PXDN: variants seen among roughly 807,000 people sequenced by gnomAD.
PXDN encodes peroxidasin homolog.
Under a neutral mutation model 140.3 loss-of-function variants are expected in PXDN, and 77 were observed. The ratio of observed to expected loss-of-function variants is 0.55; its 90% CI spans 0.46 to 0.66. The LOEUF (loss-of-function observed/expected upper bound fraction) is 0.66. Ranked by LOEUF, PXDN falls within the 30% of genes least tolerant of loss-of-function variation. PXDN has a pLI of 0.00. For missense variants in PXDN, 1,838 were observed against 2,039.5 expected, an observed-to-expected ratio of 0.90 and a Z score of 1.90; for synonymous variants, 911 against 857.4, an observed-to-expected ratio of 1.06 and a Z score of -1.09.
intron 1 of PXDN, among the ~76,000 whole-genome samples, chr2:1,709,799 G>C (rs1305200183): frequency 1.3e-5 from 2 of 152,220 alleles, no homozygotes; most frequent in Admixed American, 1.3e-4. Flanking sequence ...CCCAGAGAGC[G>C]TGTTTCTCTT....
rs1237210381 is a variant in PXDN at position 1,649,641 on chromosome 2, G to C, written c.2139C>G (p.Tyr713Ter). 1 of 1,613,976 alleles carries C rather than the reference G, an allele frequency of 6.2e-7. No homozygotes were observed. ...CCGACAGGTTTGCGATGAGGTTCAGGTACTGTGGAGACACCAGGTCGTTGT... is the reference window on the plus strand; with the variant it reads ...CCGACAGGTTTGCGATGAGGTTCAGCTACTGTGGAGACACCAGGTCGTTGT... ...YHYNDLVSPQ[Y>*]LNLIANLSGC... Residue 713 changes from tyrosine (Y) to a stop codon, truncating the protein, a stop_gained, in exon 17 of 23, where the codon TAC becomes TAG. Coordinates refer to ENST00000252804, the MANE Select transcript of PXDN (RefSeq NM_012293.3). LOFTEE classifies it high-confidence loss of function. The surrounding 1 kb of genome is among the most constrained non-coding windows in gnomAD (Gnocchi z 7.1).
intron 1 of PXDN, among the ~76,000 whole-genome samples, chr2:1,711,647 ACTCCACCAGCACCCACT>A (rs142623593): frequency 0.35 from 40,066 of 115,546 alleles, 7,350 homozygotes; most frequent in African/African-American, 0.46. Context: ...ACCAGCACCC[ACTCCACCAGCACCCACT>A]CTCCACCAGC....
At position 1,666,413 on chromosome 2, in the gene PXDN, G is replaced by A. The variant is rs745477233; in HGVS notation, c.1092C>T (p.Ser364=). The change falls in exon 10 of 23, where the codon AGC becomes AGT. Residue 364 remains serine (S), a synonymous_variant. Coordinates refer to ENST00000252804, the MANE Select transcript of PXDN (RefSeq NM_012293.3). ...TCCGCGGCGGGGGGTGGCCTGTGGC[G>A]CTGCACTCCAGCGTGACGCTCTCCC... The part of the protein sequence containing the change: ...LVGESVTLEC[S]ATGHPPPRIS... 1.5e-5 allele frequency: 24 copies of A among 1,613,648 alleles called. No individual in the cohort carries two copies. Among genetic ancestry groups the A allele is most frequent in the South Asian group, 5.5e-5 (5 of 91,024 alleles).
chr2:1,713,353 C>T (rs1035361952), intron 1 of PXDN, among the ~76,000 whole-genome samples: 1 of 152,226 alleles, frequency 6.6e-6, no homozygotes, highest in Non-Finnish European at 1.5e-5. Context: ...GCCTGGCCTC[C>T]GGGCTTCCAT....
chr2:1,654,334 A>G lies in PXDN; in HGVS notation c.1946+66T>C, dbSNP rs1294454486. ...ATATTAGAACTGCATGCATTCTTTA[A>G]TCACTCCCACCTTCACCCTAAAGCT... On this transcript the variant is annotated intron_variant, in intron 15 of 22. Transcript: ENST00000252804. The G allele has an allele frequency of 6.2e-6, 7 of 1,126,994 alleles. No homozygotes were observed. The South Asian group carries it at 8.1e-5, about 13-fold the overall frequency. The allele number at this position is 1,126,994 out of a possible 1,614,324, so 69.8% of individuals were successfully genotyped here.
At position 1,662,078 on chromosome 2, in the gene PXDN, C is replaced by G. The variant is rs1382752737; in HGVS notation, c.1674G>C (p.Trp558Cys). The G allele has an allele frequency of 6.3e-7, 1 of 1,591,508 alleles. No homozygotes were observed. The highest frequency in any genetic ancestry group is 8.6e-7 in the Non-Finnish European group (1 of 1,169,240). The change falls in exon 13 of 23, where the codon TGG becomes TGC. Residue 558 changes from tryptophan (W) to cysteine (C), a missense_variant. Coordinates refer to ENST00000252804, the MANE Select transcript of PXDN (RefSeq NM_012293.3). ...SQGEPEPAITWNKDGVQVTES... is the reference protein window; with the variant it reads ...SQGEPEPAITCNKDGVQVTES... Reference sequence around the variant, plus strand: ...CGGGCACCAGACCGCCTACCTTGTTCCAGGTGATGGCTGGCTCGGGCTCGC... The same window carrying G: ...CGGGCACCAGACCGCCTACCTTGTTGCAGGTGATGGCTGGCTCGGGCTCGC...
intron 3 of PXDN, among the ~76,000 whole-genome samples, chr2:1,688,393 T>A (rs917495385): frequency 3.9e-5 from 6 of 152,186 alleles, no homozygotes; most frequent in African/African-American, 1.4e-4. Context: ...CCGAGCTGAG[T>A]GGTCCCAGTA....
chr2:1,743,823 G>A (rs1441825249), intron 1 of PXDN, among the ~76,000 whole-genome samples: 1 of 147,494 alleles, frequency 6.8e-6, no homozygotes, highest in African/African-American at 2.5e-5. Flanking sequence ...GGAGCGGAGG[G>A]GGACCGAGGG....
At chr2:1,678,562 G>T (rs191000001) in intron 7 of PXDN, among the ~76,000 whole-genome samples, 2 of 152,198 alleles carry the variant, frequency 1.3e-5, no homozygotes, top group Admixed American at 6.5e-5. Context: ...CTGTGATTAC[G>T]GAAGGCCATG....
rs184628942 is a variant in PXDN, at chr2:1,699,370, A to G, written c.201-6236T>C. On this transcript the variant is annotated intron_variant, in intron 1 of 22. Coordinates refer to ENST00000252804, the MANE Select transcript of PXDN (RefSeq NM_012293.3). ...AAATAAAACAATCTTGACTTTTCCC[A>G]TACGCAAGTCTCAGATGTGTTTGAA... is the stretch of plus-strand genomic sequence containing the variant. Among the ~76,000 whole-genome samples the G allele has an allele frequency of 3.9e-3, 584 of 151,384 alleles. 3 individuals are homozygous for G. Among genetic ancestry groups the G allele is most frequent in the Middle Eastern group, 0.034 (10 of 294 alleles).
In PXDN at chr2:1,714,823, G is replaced by A. The variant is rs958041032; in HGVS notation, c.201-21689C>T. On this transcript the variant is annotated intron_variant, in intron 1 of 22. Coordinates refer to ENST00000252804, the MANE Select transcript of PXDN (RefSeq NM_012293.3). This position sits in a 1 kb window ranked among gnomAD's most constrained non-coding sequence, Gnocchi z 4.3. ...GACAAACCAGGCCTGGGTCAGATGGGGCCCCTGGCCAAGGGCACAGGAAGT... is the reference window on the plus strand; with the variant it reads ...GACAAACCAGGCCTGGGTCAGATGGAGCCCCTGGCCAAGGGCACAGGAAGT... 6.6e-6 allele frequency among the ~76,000 whole-genome samples: 1 copy of A among 152,166 alleles called. No homozygotes were observed. Among genetic ancestry groups the A allele is most frequent in the African/African-American group, 2.4e-5 (1 of 41,448 alleles).
chr2:1,729,040 G>A (rs920117345), intron 1 of PXDN, among the ~76,000 whole-genome samples: 1 of 152,080 alleles, frequency 6.6e-6, no homozygotes, highest in African/African-American at 2.4e-5. Flanking sequence ...GGGGCCCGGT[G>A]TGACTATGGG....
At chr2:1,739,770 C>T (rs1685499274) in intron 1 of PXDN, among the ~76,000 whole-genome samples, 2 of 152,188 alleles carry the variant, frequency 1.3e-5, no homozygotes, top group Non-Finnish European at 2.9e-5. Flanking sequence ...GATCAGCCGC[C>T]TCCCAGGCTC....
At position 1,639,234 on chromosome 2, in the gene PXDN, T is replaced by C; in HGVS notation, c.4073+68A>G. On this transcript the variant is annotated intron_variant, in intron 20 of 22. Coordinates refer to ENST00000252804, the MANE Select transcript of PXDN (RefSeq NM_012293.3). The surrounding 1 kb of genome is among the most constrained non-coding windows in gnomAD (Gnocchi z 5.0). ...CCACAGGCCCACAGCAGGATGCCGG[T>C]CCTACTGCCCGACGCCCGCGGTGCG... The C allele has an allele frequency of 6.4e-7, 1 of 1,557,938 alleles. No homozygotes were observed. Among genetic ancestry groups the C allele is most frequent in the Non-Finnish European group, 8.7e-7 (1 of 1,150,530 alleles).
intron 1 of PXDN, among the ~76,000 whole-genome samples, chr2:1,720,685 T>TTC (rs371897369): frequency 5.3e-5 from 2 of 37,976 alleles, no homozygotes; most frequent in East Asian, 2.3e-3. Flanking sequence ...CTGCATCTCT[T>TTC]TCTCTCTCTC....
intron 1 of PXDN, among the ~76,000 whole-genome samples, chr2:1,712,087 G>A (rs1489034956): frequency 6.7e-6 from 1 of 150,218 alleles, no homozygotes; most frequent in African/African-American, 2.5e-5. Context: ...GTAAAAAAAA[G>A]CCATTTTTTC....
At chr2:1,724,657 T>G (rs952334530) in intron 1 of PXDN, among the ~76,000 whole-genome samples, 10 of 152,196 alleles carry the variant, frequency 6.6e-5, no homozygotes, top group African/African-American at 2.4e-4. Flanking sequence ...TTGTTGAAAG[T>G]TAGTTGATCA....
In PXDN at chr2:1,648,806, AC is replaced by A. The variant is rs1363842363; in HGVS notation, c.2973del (p.Trp991CysfsTer15). 1 of 1,602,988 alleles carries A rather than the reference AC, an allele frequency of 6.2e-7. No individual in the cohort carries two copies. Among genetic ancestry groups the A allele is most frequent in the Non-Finnish European group, 8.5e-7 (1 of 1,176,158 alleles). On this transcript the variant is annotated frameshift_variant, in exon 17 of 23. Coordinates refer to ENST00000252804, the MANE Select transcript of PXDN (RefSeq NM_012293.3). LOFTEE classifies it high-confidence loss of function. This position sits in a 1 kb window ranked among gnomAD's most constrained non-coding sequence, Gnocchi z 8.9. The stretch of plus-strand genomic sequence containing the variant: ...GTGGCAATGCGGTTGTGCTCGCGGA[AC>A]CACAGCGTGTGCATGCTGGTCAGGC... ...QLGLTSMHTL[W>X]FREHNRIATE...
At chr2:1,683,605 G>A (rs910800034) in intron 6 of PXDN, 51 bp downstream of exon 6, 104 of 1,119,346 alleles carry the variant, frequency 9.3e-5, no homozygotes, top group Non-Finnish European at 1.2e-4. Context: ...ATAGATAACA[G>A]AGAGAAAGAA....
Sources: gnomAD v4.1 joint callset for allele counts (sites outside exome capture counted in the v4.1 genomes callset) on GRCh38, gnomAD v4.1.1 for gene constraint, Gnocchi (gnomAD v3.1) non-coding constraint, MANE v1.5 for transcripts, NCBI Gene and HGNC (gene_info 2026-07-23, HGNC 2026-07-21) for gene names.